PIK3C2G: variants seen among roughly 807,000 people sequenced by gnomAD.
The protein encoded by PIK3C2G is phosphatidylinositol-4-phosphate 3-kinase catalytic subunit type 2 gamma, also known as phosphatidylinositol 3-kinase C2 domain-containing subunit gamma.
In PIK3C2G, 168 loss-of-function variants were observed where a neutral mutation model predicts 181.1. That is an observed-to-expected ratio of 0.93 (90% confidence interval 0.82 to 1.05). The LOEUF (loss-of-function observed/expected upper bound fraction) is 1.05. Ranked by LOEUF, PIK3C2G falls within the 50% of genes least tolerant of loss-of-function variation. The pLI is 0.00. For synonymous variants in PIK3C2G, 573 were observed against 592.2 expected (o/e 0.97, Z 0.47); for missense variants, 1,869 against 1,732.8 (o/e 1.08, Z -1.40).
chr12:18,696,323 T>G, the PIK3C2G span: 1 of 15,944 alleles, frequency 6.3e-5, no homozygotes, highest in Non-Finnish European at 1.3e-4. Flanking sequence ...AAAAAGCCAC[T>G]ATATATATAT....
chr12:18,678,643 A>C, the PIK3C2G span, among the ~76,000 whole-genome samples: 1 of 152,006 alleles, frequency 6.6e-6, no homozygotes, highest in Non-Finnish European at 1.5e-5. Context: ...CATTCATTTT[A>C]ATCATTTTGA....
the PIK3C2G span, chr12:18,705,088 G>C: frequency 6.5e-7 from 1 of 1,548,924 alleles, no homozygotes; most frequent in Non-Finnish European, 8.9e-7. Context: ...CTCTAGCCCA[G>C]TTTCACAGGC....
rs1031801529 is a variant in PIK3C2G, at chr12:18,406,304, A to T, written c.2315+6457A>T. ...TTTAATGGACACTAAGGTTGCTTCT[A>T]TATCTTGGCTATTGTAAATAATGCT... On this transcript the variant is annotated intron_variant, in intron 16 of 32. Coordinates refer to ENST00000538779, the MANE Select transcript of PIK3C2G (RefSeq NM_001288772.2). 3.3e-5 allele frequency among the ~76,000 whole-genome samples: 5 copies of T among 152,142 alleles called. No homozygotes were observed. In the East Asian group the frequency reaches 7.7e-4, roughly 23 times the overall value.
chr12:18,656,544 G>A, the PIK3C2G span, among the ~76,000 whole-genome samples: 51 of 152,114 alleles, frequency 3.4e-4, no homozygotes, highest in Non-Finnish European at 3.7e-4. Flanking sequence ...CAGCCTGGGC[G>A]ACAGAGCGAG....
At chr12:18,456,709 C>T (rs1947648968) in intron 18 of PIK3C2G, among the ~76,000 whole-genome samples, 1 of 152,122 alleles carries the variant, frequency 6.6e-6, no homozygotes, top group Non-Finnish European at 1.5e-5. Context: ...CCTATTGGCA[C>T]AGTTGTTGGC....
chr12:18,413,906 C>G (rs1244632480), intron 16 of PIK3C2G, among the ~76,000 whole-genome samples: 1 of 152,138 alleles, frequency 6.6e-6, no homozygotes, highest in Non-Finnish European at 1.5e-5. Context: ...GCGTAGCCCT[C>G]ACCTCATTGA....
At chr12:18,609,359 A>G (rs1404360878) in intron 30 of PIK3C2G, among the ~76,000 whole-genome samples, 176 bp from the exon 31 acceptor site, 1 of 152,112 alleles carries the variant, frequency 6.6e-6, no homozygotes, top group Non-Finnish European at 1.5e-5. Context: ...TTAGACACAA[A>G]TCCCATCTCT....
upstream of PIK3C2G, among the ~76,000 whole-genome samples, chr12:18,260,130 G>T (rs867023752): frequency 1.3e-5 from 2 of 151,842 alleles, no homozygotes; most frequent in Admixed American, 6.6e-5. Context: ...AGATTAGATT[G>T]TTCCTTTTCA....
chr12:18,352,894 C>T (rs923448717), intron 11 of PIK3C2G, among the ~76,000 whole-genome samples: 1 of 152,142 alleles, frequency 6.6e-6, no homozygotes, highest in African/African-American at 2.4e-5. Context: ...CACTCTGCTG[C>T]TCTGCCAGTC....
chr12:18,685,906 CA>C, the PIK3C2G span, among the ~76,000 whole-genome samples: 1 of 151,496 alleles, frequency 6.6e-6, no homozygotes, highest in African/African-American at 2.4e-5. Context: ...AGAAAGCCCT[CA>C]CTTTCAGTTG....
At chr12:18,247,725 A>G (rs1948054621) in exon 1 of PIK3C2G, 1 of 152,218 alleles carries the variant, frequency 6.6e-6, no homozygotes, top group African/African-American at 2.4e-5. Context: ...TATGCCTGAC[A>G]AAAGGAAGGG....
chr12:18,638,680 T>C (rs947916142), intron 31 of PIK3C2G, among the ~76,000 whole-genome samples: 5 of 152,056 alleles, frequency 3.3e-5, no homozygotes, highest in African/African-American at 9.7e-5. Context: ...CTAGAAATAA[T>C]GTTTAACCAG....
the PIK3C2G span, among the ~76,000 whole-genome samples, chr12:18,658,405 A>G: frequency 6.6e-6 from 1 of 152,154 alleles, no homozygotes; most frequent in Non-Finnish European, 1.5e-5. Context: ...CAAACTGTCA[A>G]AAGCAAAAGA....
downstream of PIK3C2G, among the ~76,000 whole-genome samples, chr12:18,650,700 GTGTGTATATATCTATATATATATA>G (rs1950439879): frequency 5.2e-4 from 23 of 43,830 alleles, no homozygotes; most frequent in East Asian, 1.2e-3. Flanking sequence ...GTGTGTGTGT[GTGTGTATATATCTATATATATATA>G]TATATATATA....
At chr12:18,700,025 T>C in the PIK3C2G span, 1 of 1,213,154 alleles carries the variant, frequency 8.2e-7, no homozygotes, top group Non-Finnish European at 1.2e-6. Context: ...GTAAAGAAAA[T>C]ACACTTTCAA....
intron 24 of PIK3C2G, among the ~76,000 whole-genome samples, chr12:18,527,558 G>T (rs981794832): frequency 1.3e-5 from 2 of 152,064 alleles, no homozygotes; most frequent in African/African-American, 4.8e-5. Context: ...TTATAGCATT[G>T]TTAATGTTTT....
At chr12:18,439,624 TA>T in intron 18 of PIK3C2G, among the ~76,000 whole-genome samples, 1 of 152,128 alleles carries the variant, frequency 6.6e-6, no homozygotes, top group East Asian at 1.9e-4. Flanking sequence ...TCCGTGTATA[TA>T]ACAAGTCACT....
In PIK3C2G at chr12:18,262,577, G is replaced by A. The variant is rs188351796; in HGVS notation, c.-79+1000G>A. 1.4e-3 allele frequency among the ~76,000 whole-genome samples: 203 copies of A among 149,622 alleles called. 1 individual carries two copies. The highest frequency in any genetic ancestry group is 4.7e-3 in the African/African-American group (191 of 40,686). On this transcript the variant is annotated intron_variant, in intron 1 of 32. Coordinates refer to ENST00000538779, the MANE Select transcript of PIK3C2G (RefSeq NM_001288772.2). ...TTTGTGAATTGAGCATAAGAAAATA[G>A]TGAGCATAAGAAAATAGCTAACCAT...
upstream of PIK3C2G, among the ~76,000 whole-genome samples, chr12:18,258,796 C>T (rs1264642067): frequency 2.0e-5 from 3 of 151,650 alleles, no homozygotes; most frequent in South Asian, 2.1e-4. Context: ...TTAGAAAAAT[C>T]GATATAAATA....
Sources: gnomAD v4.1 joint callset for allele counts (sites outside exome capture counted in the v4.1 genomes callset) on GRCh38, gnomAD v4.1.1 for gene constraint, MANE v1.5 for transcripts, NCBI Gene and HGNC (gene_info 2026-07-23, HGNC 2026-07-21) for gene names.